Variants in FAM20A observed in about 807,000 individuals in gnomAD.
FAM20A encodes the protein FAM20A golgi associated secretory pathway pseudokinase.
A neutral mutation model predicts 52.0 loss-of-function variants in FAM20A; 42 were observed. That is an observed-to-expected ratio of 0.81 (90% CI 0.63 to 1.04). FAM20A has a LOEUF of 1.04. FAM20A is among the 50% of genes least tolerant of loss of function. The pLI, the probability that FAM20A is intolerant of heterozygous loss-of-function variation, is 0.00. For synonymous variants in FAM20A, 304 were observed against 298.9 expected (o/e 1.02, Z -0.18); for missense variants, 742 against 712.7 (o/e 1.04, Z -0.47).
At chr17:68,555,867 G>T in intron 1 of FAM20A, 124 bp from the exon 2 acceptor site, 1 of 1,160,366 alleles carries the variant, frequency 8.6e-7, no homozygotes, top group Non-Finnish European at 1.3e-6. Context: ...ATCTAATGAG[G>T]GCTAGGCTTT....
Position 68,539,870 on chromosome 17 carries a change from C to T in FAM20A, c.1301+15G>A. 1.2e-6 allele frequency: 2 copies of T among 1,612,930 alleles called. No homozygotes were observed. The highest frequency in any genetic ancestry group is 1.7e-6 in the Non-Finnish European group (2 of 1,178,990). ...CTGGGAGAGGGGATTGTTGAACACACGTGGGGAAGCTCACCCTCTGGCGTT... is the reference window on the plus strand; with the variant it reads ...CTGGGAGAGGGGATTGTTGAACACATGTGGGGAAGCTCACCCTCTGGCGTT... On this transcript the variant is annotated intron_variant, in intron 9 of 10. Transcript: ENST00000592554.
intron 1 of FAM20A, among the ~76,000 whole-genome samples, chr17:68,596,950 C>G (rs1449330351): frequency 6.6e-6 from 1 of 152,172 alleles, no homozygotes. Context: ...ACACAGACAG[C>G]CCACCTTAAA....
At chr17:68,547,338 T>C (rs918858356) in intron 4 of FAM20A, among the ~76,000 whole-genome samples, 1 of 152,218 alleles carries the variant, frequency 6.6e-6, no homozygotes, top group African/African-American at 2.4e-5. Flanking sequence ...TTGTTACATA[T>C]GTATACATGT....
At chr17:68,572,985 C>T (rs919795918) in intron 1 of FAM20A, among the ~76,000 whole-genome samples, 2 of 152,182 alleles carry the variant, frequency 1.3e-5, no homozygotes, top group African/African-American at 4.8e-5. Context: ...CTCATGTCAC[C>T]TCCCCAAAGA....
chr17:68,585,790 T>A (rs1414049576), intron 1 of FAM20A, among the ~76,000 whole-genome samples: 3 of 152,086 alleles, frequency 2.0e-5, no homozygotes, highest in Non-Finnish European at 2.9e-5. Flanking sequence ...GGACATGACT[T>A]TGGAATTTGC....
chr17:68,552,230 G>A (rs138871152), intron 3 of FAM20A, among the ~76,000 whole-genome samples: 66 of 151,230 alleles, frequency 4.4e-4, no homozygotes, highest in African/African-American at 1.6e-3. Context: ...AACATAGTGA[G>A]ACCTCCATTT....
intron 1 of FAM20A, among the ~76,000 whole-genome samples, chr17:68,581,420 C>CTT (rs1299176126): frequency 0.02 from 948 of 47,274 alleles, 9 homozygotes; most frequent in Middle Eastern, 0.032. Context: ...CTTTCTTTTT[C>CTT]TCTTTTCTTT....
Position 68,542,824 on chromosome 17 carries a change from G to T in FAM20A, c.813-15C>A. 6.3e-7 allele frequency: 1 copy of T among 1,587,260 alleles called. No individual in the cohort carries two copies. The highest frequency in any genetic ancestry group is 1.1e-5 in the South Asian group (1 of 90,540). ...AGTCCAGAATCCTGCAAGAGAGGAA[G>T]CTCTGTTCCATCTGAGGGATGATCA... On this transcript the variant is annotated splice_polypyrimidine_tract_variant and intron_variant, in intron 5 of 10. Coordinates refer to ENST00000592554, the MANE Select transcript of FAM20A (RefSeq NM_017565.4).
Position 68,536,318 on chromosome 17 carries a change from G to A in FAM20A, c.*1159C>T. 1 of 453,984 alleles carries A rather than the reference G, an allele frequency of 2.2e-6. No individual in the cohort carries two copies. Among genetic ancestry groups the A allele is most frequent in the Non-Finnish European group, 4.4e-6 (1 of 226,762 alleles). 28.1% of individuals were successfully genotyped at this position (453,984 alleles called of 1,614,324 possible). A position where few individuals can be genotyped will look rare whatever the true frequency, so the allele number is the denominator to read the frequency against. On this transcript the variant is annotated 3_prime_UTR_variant, in exon 11 of 11. Coordinates refer to ENST00000592554, the MANE Select transcript of FAM20A (RefSeq NM_017565.4). ...GAAATGAGGCATTTTTACTTTTGTT[G>A]ACTGACTAGTCACTCCATGGAATGA...
Position 68,600,280 on chromosome 17 carries a change from C to T in FAM20A, c.387G>A (p.Lys129=), listed in dbSNP as rs1348634899. ...GTCCTCACCTGTTCCAGCGGGCCACCTTCCTCCGGTAATACCGCAGCGCCT... is the reference window on the plus strand; with the variant it reads ...GTCCTCACCTGTTCCAGCGGGCCACTTTCCTCCGGTAATACCGCAGCGCCT... The part of the protein sequence containing the change: ...SQEALRYYRR[K]VARWNRRHKM... Residue 129 remains lysine (K), a synonymous_variant, in exon 1 of 11, where the codon AAG becomes AAA. Coordinates refer to ENST00000592554, the MANE Select transcript of FAM20A (RefSeq NM_017565.4). This position sits in a 1 kb window ranked among gnomAD's most constrained non-coding sequence, Gnocchi z 6.2. 1 of 1,570,946 alleles carries T rather than the reference C, an allele frequency of 6.4e-7. No individual in the cohort carries two copies. The highest frequency in any genetic ancestry group is 2.4e-5 in the East Asian group (1 of 41,768).
chr17:68,597,141 C>G (rs2088474879), intron 1 of FAM20A, among the ~76,000 whole-genome samples: 1 of 151,258 alleles, frequency 6.6e-6, no homozygotes, highest in South Asian at 2.1e-4. Flanking sequence ...TAACCTACCT[C>G]TTATTGGTAA....
chr17:68,543,327 TG>T (rs1393216484), intron 5 of FAM20A, among the ~76,000 whole-genome samples: 1 of 151,976 alleles, frequency 6.6e-6, no homozygotes, highest in African/African-American at 2.4e-5. Flanking sequence ...TAAATAGGAG[TG>T]GGTGCATTCT....
chr17:68,565,879 T>C (rs564855247), intron 1 of FAM20A, among the ~76,000 whole-genome samples: 2 of 152,340 alleles, frequency 1.3e-5, no homozygotes, highest in East Asian at 3.9e-4. Context: ...TTCCCTCCTA[T>C]GAAATCCTTC....
intron 4 of FAM20A, among the ~76,000 whole-genome samples, chr17:68,544,032 T>C (rs534749851): frequency 6.6e-6 from 1 of 152,140 alleles, no homozygotes; most frequent in South Asian, 2.1e-4. Flanking sequence ...AGGGAAGAAA[T>C]AGACATTCTT....
At chr17:68,564,425 T>G (rs188042033) in intron 1 of FAM20A, among the ~76,000 whole-genome samples, 1 of 152,318 alleles carries the variant, frequency 6.6e-6, no homozygotes. Context: ...AAAACACTGT[T>G]CTACTGGCTA....
intron 4 of FAM20A, among the ~76,000 whole-genome samples, chr17:68,550,486 T>C (rs1165355880): frequency 6.7e-6 from 1 of 149,526 alleles, no homozygotes; most frequent in African/African-American, 2.5e-5. Flanking sequence ...GTTCAGGAGA[T>C]TCTTCTGCCT....
rs796800181 is a variant in FAM20A, at chr17:68,565,383, CTTTTTTTTTTTTT to C, written c.405-9653_405-9641del. On this transcript the variant is annotated intron_variant, in intron 1 of 10. Transcript: ENST00000592554. ...CCTGGAGTTTAACCTCCATTACCTC[CTTTTTTTTTTTTT>C]TTTTTTTTTTTTTTTGAGATGGAGT... Among the ~76,000 whole-genome samples, 473 of 103,814 alleles carry C rather than the reference CTTTTTTTTTTTTT, an allele frequency of 4.6e-3. 6 individuals are homozygous for C. Among genetic ancestry groups the C allele is most frequent in the African/African-American group, 0.019 (444 of 23,006 alleles). 68.1% of individuals were successfully genotyped at this position (103,814 alleles called of 152,430 possible). A position where few individuals can be genotyped will look rare whatever the true frequency, so the allele number is the denominator to read the frequency against.
At chr17:68,540,421 T>A in intron 8 of FAM20A, 1 of 461,764 alleles carries the variant, frequency 2.2e-6, no homozygotes. Flanking sequence ...ACGGCCACCT[T>A]CATAAGTGTC....
intron 1 of FAM20A, among the ~76,000 whole-genome samples, chr17:68,571,987 CATATATATATAT>C (rs57442973): frequency 0.025 from 1,073 of 43,544 alleles, 14 homozygotes; most frequent in African/African-American, 0.035. Flanking sequence ...TATATACATA[CATATATATATAT>C]ATATATATAT....
Sources: gnomAD v4.1 joint callset for allele counts (sites outside exome capture counted in the v4.1 genomes callset) on GRCh38, gnomAD v4.1.1 for gene constraint, Gnocchi (gnomAD v3.1) non-coding constraint, MANE v1.5 for transcripts, NCBI Gene and HGNC (gene_info 2026-07-23, HGNC 2026-07-21) for gene names.